DNAH17: variants seen among roughly 807,000 people sequenced by gnomAD.
The protein encoded by DNAH17 is dynein axonemal heavy chain 17.
In DNAH17, 376 loss-of-function variants were observed where a neutral mutation model predicts 485.6. That is an observed-to-expected ratio of 0.77 (90% CI 0.71 to 0.84). The LOEUF is 0.84. DNAH17 is among the 40% of genes least tolerant of loss of function. DNAH17 has a pLI of 0.00. For missense variants in DNAH17, 6,370 were observed against 5,839.3 expected (o/e 1.09, Z -2.96); for synonymous variants, 3,031 against 2,405.9 (o/e 1.26, Z -7.60).
At chr17:78,532,300 C>G (rs2091261962) in intron 20 of DNAH17, among the ~76,000 whole-genome samples, 182 bp downstream of exon 20, 1 of 152,214 alleles carries the variant, frequency 6.6e-6, no homozygotes, top group Admixed American at 6.6e-5. Flanking sequence ...TGCTATGCCC[C>G]CTTCTTGGGA....
intron 75 of DNAH17, among the ~76,000 whole-genome samples, chr17:78,431,507 C>T (rs551563898): frequency 6.6e-6 from 1 of 151,118 alleles, no homozygotes; most frequent in South Asian, 2.1e-4. Flanking sequence ...CTGGGAGTCC[C>T]TGCAGGTTGC....
At position 78,569,368 on chromosome 17, in the gene DNAH17, G is replaced by A; in HGVS notation, c.1197+7C>T. Reference sequence around the variant, plus strand: ...GCCTTGGCCCTCGCCCTGCGAGGAAGGGGTACCTTAAAGAAAAGCTTCATG... The same window carrying A: ...GCCTTGGCCCTCGCCCTGCGAGGAAAGGGTACCTTAAAGAAAAGCTTCATG... On this transcript the variant is annotated splice_region_variant and intron_variant, in intron 8 of 80. Coordinates refer to ENST00000389840, the MANE Select transcript of DNAH17 (RefSeq NM_173628.4). The A allele has an allele frequency of 1.2e-6, 2 of 1,612,716 alleles. No homozygotes were observed. The highest frequency in any genetic ancestry group is 1.7e-6 in the Non-Finnish European group (2 of 1,179,336).
intron 14 of DNAH17, among the ~76,000 whole-genome samples, chr17:78,557,621 A>C (rs1000344631): frequency 8.4e-5 from 11 of 130,592 alleles, no homozygotes; most frequent in Non-Finnish European, 1.3e-4. Flanking sequence ...CCTGGGTGAC[A>C]GAGTGAGACT....
In DNAH17 at chr17:78,503,448, G is replaced by C. The variant is rs577790505; in HGVS notation, c.4957-437C>G. ...GATCCGCCCACCTCGGCCTCCTAAA[G>C]TGCTGGGATTACAGGCATGAGCCAC... On this transcript the variant is annotated intron_variant, in intron 31 of 80. Coordinates refer to ENST00000389840, the MANE Select transcript of DNAH17 (RefSeq NM_173628.4). Among the ~76,000 whole-genome samples, 12 of 150,416 alleles carry C rather than the reference G, an allele frequency of 8.0e-5. No homozygotes were observed. In the South Asian group the frequency reaches 2.3e-3, roughly 29 times the overall value.
intron 54 of DNAH17, among the ~76,000 whole-genome samples, chr17:78,470,637 C>T (rs890481514): frequency 6.6e-6 from 1 of 151,980 alleles, no homozygotes; most frequent in African/African-American, 2.4e-5. Flanking sequence ...TGCAGTGAGC[C>T]GATATTGTGC....
At chr17:78,476,436 C>A in intron 52 of DNAH17, 136 bp downstream of exon 52, 1 of 1,044,896 alleles carries the variant, frequency 9.6e-7, no homozygotes, top group Non-Finnish European at 1.3e-6. Context: ...GGAATGATCG[C>A]GTGGAACCTA....
intron 54 of DNAH17, among the ~76,000 whole-genome samples, chr17:78,473,905 C>A (rs556079291): frequency 6.6e-6 from 1 of 152,076 alleles, no homozygotes; most frequent in African/African-American, 2.4e-5. Context: ...CCATCAGATG[C>A]GCTGAGAACC....
At chr17:78,502,115 G>A (rs796242060) in intron 33 of DNAH17, 2 of 537,672 alleles carry the variant, frequency 3.7e-6, no homozygotes, top group African/African-American at 1.9e-5. Context: ...CCACGAGAGA[G>A]GGTGGATGAG....
Position 78,476,592 on chromosome 17 carries a change from A to G in DNAH17, c.8134T>C (p.Ser2712Pro). 2 of 1,610,662 alleles carry G rather than the reference A, an allele frequency of 1.2e-6. No individual in the cohort carries two copies. The highest frequency in any genetic ancestry group is 1.1e-5 in the South Asian group (1 of 90,166). ...QETLHRVTMASTKKFFDDLGD... is the reference protein window; with the variant it reads ...QETLHRVTMAPTKKFFDDLGD... ...CTTACATCAAAGAACTTCTTGGTGGAGGCCATGGTGACTCTATGCAATGTT... is the reference window on the plus strand; with the variant it reads ...CTTACATCAAAGAACTTCTTGGTGGGGGCCATGGTGACTCTATGCAATGTT... Residue 2712 changes from serine to proline, a missense_variant, in exon 52 of 81, where the codon TCC becomes CCC. Transcript: ENST00000389840.
At chr17:78,475,969 C>G (rs762109218) in intron 52 of DNAH17, 136 bp from the exon 53 acceptor site, 537 of 981,292 alleles carry the variant, frequency 5.5e-4, no homozygotes, top group Non-Finnish European at 6.9e-4. Context: ...TCCAGGGGCC[C>G]AAACCTGCTG....
intron 19 of DNAH17, among the ~76,000 whole-genome samples, chr17:78,534,599 T>C (rs982716335): frequency 2.6e-5 from 4 of 152,152 alleles, no homozygotes; most frequent in Non-Finnish European, 5.9e-5. Context: ...CACAGGCAGG[T>C]GCTTCTGGAT....
At chr17:78,455,125 G>C (rs879523793) in intron 63 of DNAH17, among the ~76,000 whole-genome samples, 123 of 151,898 alleles carry the variant, frequency 8.1e-4, no homozygotes, top group Admixed American at 2.7e-3. Context: ...GGCCAGGTTG[G>C]TTTTGAACTC....
intron 13 of DNAH17, 44 bp from the exon 14 acceptor site, chr17:78,558,298 T>C (rs758149353): frequency 6.2e-7 from 1 of 1,603,796 alleles, no homozygotes; most frequent in Admixed American, 1.7e-5. Context: ...GCAGGTCAGG[T>C]CAACAGTGCA....
At chr17:78,450,646 C>T in intron 67 of DNAH17, 36 bp downstream of exon 67, 1 of 1,596,326 alleles carries the variant, frequency 6.3e-7, no homozygotes, top group East Asian at 2.3e-5. Flanking sequence ...CTCCCAAGCC[C>T]TGGCTGCCAG....
chr17:78,564,099 T>TA (rs907029153), intron 11 of DNAH17, among the ~76,000 whole-genome samples: 1 of 151,980 alleles, frequency 6.6e-6, no homozygotes, highest in African/African-American at 2.4e-5. Context: ...AGAGGTCGGG[T>TA]TGGGTTTCTT....
chr17:78,485,169 G>A (rs1474169409), intron 47 of DNAH17, 136 bp from the exon 48 acceptor site: 26 of 1,198,386 alleles, frequency 2.2e-5, no homozygotes, highest in Non-Finnish European at 2.3e-5. Context: ...AAAGGTACCT[G>A]CCCTGGGAGT....
Position 78,524,215 on chromosome 17 carries a change from G to A in DNAH17, c.3864+794C>T, listed in dbSNP as rs370107064. 2.6e-5 allele frequency among the ~76,000 whole-genome samples: 4 copies of A among 152,244 alleles called. No homozygotes were observed. In the East Asian group the frequency reaches 7.7e-4, roughly 29 times the overall value. ...TACAGTGGCACGATCTTGGCTCACT[G>A]CAACCTCTGCCTCCCAGGTTCAAGC... On this transcript the variant is annotated intron_variant, in intron 25 of 80. Coordinates refer to ENST00000389840, the MANE Select transcript of DNAH17 (RefSeq NM_173628.4).
intron 25 of DNAH17, among the ~76,000 whole-genome samples, chr17:78,515,623 C>A (rs74435178): frequency 0.011 from 1,729 of 152,342 alleles, 44 homozygotes; most frequent in African/African-American, 0.039. Flanking sequence ...CTCAGTATGT[C>A]CATGTAGCTT....
At position 78,459,966 on chromosome 17, in the gene DNAH17, CG is replaced by C; in HGVS notation, c.9470del (p.Pro3157ArgfsTer13). The C allele has an allele frequency of 6.2e-7, 1 of 1,613,324 alleles. No individual in the cohort carries two copies. The highest frequency in any genetic ancestry group is 8.5e-7 in the Non-Finnish European group (1 of 1,179,884). ...CGGTGACGTTGACCACAGCATCCGG[CG>C]GGGACCCAAAGGACTTCAGCTCTGT... ...NLTELKSFGS[P>X]PDAVVNVTAA... On this transcript the variant is annotated frameshift_variant, in exon 60 of 81. Coordinates refer to ENST00000389840, the MANE Select transcript of DNAH17 (RefSeq NM_173628.4). LOFTEE classifies it high-confidence loss of function.
Sources: gnomAD v4.1 joint callset for allele counts (sites outside exome capture counted in the v4.1 genomes callset) on GRCh38, gnomAD v4.1.1 for gene constraint, MANE v1.5 for transcripts, NCBI Gene and HGNC (gene_info 2026-07-23, HGNC 2026-07-21) for gene names.